The following PTPRD variants were observed in gnomAD, a reference collection of about 807,000 sequenced individuals.
The protein encoded by PTPRD is protein tyrosine phosphatase receptor type D, also known as receptor-type tyrosine-protein phosphatase delta.
In PTPRD, 34 loss-of-function variants were observed where a neutral mutation model predicts 214.5. The ratio of observed to expected loss-of-function variants is 0.16; its 90% confidence interval spans 0.12 to 0.21. PTPRD has a LOEUF of 0.21. Ranked by LOEUF, PTPRD falls within the 10% of genes least tolerant of loss-of-function variation. PTPRD has a pLI of 1.00. For missense variants in PTPRD, 2,545 were observed against 2,398.7 expected, an observed-to-expected ratio of 1.06 and a Z score of -1.27; for synonymous variants, 1,128 against 845.7, an observed-to-expected ratio of 1.33 and a Z score of -5.79.
At chr9:9,717,746 G>A (rs1339712406) in intron 7 of PTPRD, among the ~76,000 whole-genome samples, 2 of 152,170 alleles carry the variant, frequency 1.3e-5, no homozygotes, top group Non-Finnish European at 2.9e-5. Context: ...TGCAGTGGAT[G>A]GAAGGAATTA....
chr9:10,176,290 CT>C (rs2099248382), intron 3 of PTPRD, among the ~76,000 whole-genome samples: 1 of 150,414 alleles, frequency 6.6e-6, no homozygotes, highest in Non-Finnish European at 1.5e-5. Context: ...TTTTTTTTCC[CT>C]ATTCCAAATT....
At chr9:9,202,746 C>T (rs529130702) in intron 9 of PTPRD, among the ~76,000 whole-genome samples, 1 of 152,228 alleles carries the variant, frequency 6.6e-6, no homozygotes, top group African/African-American at 2.4e-5. Flanking sequence ...TGAGGACATG[C>T]TCAGTTAGCA....
At chr9:9,701,402 G>A (rs1304410709) in intron 7 of PTPRD, among the ~76,000 whole-genome samples, 2 of 152,136 alleles carry the variant, frequency 1.3e-5, no homozygotes, top group East Asian at 1.9e-4. Flanking sequence ...CTGGAGACAG[G>A]GGTCCAGATA....
At chr9:10,198,956 A>G (rs180878811) in intron 3 of PTPRD, among the ~76,000 whole-genome samples, 5 of 152,188 alleles carry the variant, frequency 3.3e-5, no homozygotes, top group African/African-American at 1.2e-4. Flanking sequence ...GAATGGTTCA[A>G]ATTTTGCTAA....
intron 3 of PTPRD, among the ~76,000 whole-genome samples, chr9:10,194,941 A>ATTT (rs113659073): frequency 3.6e-5 from 5 of 137,058 alleles, no homozygotes; most frequent in African/African-American, 8.1e-5. Flanking sequence ...TTTTCATTTA[A>ATTT]TTTTTTTTTT....
At chr9:8,564,081 T>C (rs74928678) in intron 14 of PTPRD, among the ~76,000 whole-genome samples, 4,899 of 152,300 alleles carry the variant, frequency 0.032, 142 homozygotes, top group African/African-American at 0.073. Flanking sequence ...TACGATACTC[T>C]CTGGTGATGC....
intron 8 of PTPRD, among the ~76,000 whole-genome samples, chr9:9,443,926 G>C (rs1053869420): frequency 6.6e-6 from 1 of 152,200 alleles, no homozygotes; most frequent in African/African-American, 2.4e-5. Flanking sequence ...ATTCATTCAT[G>C]TTTTTGAATG....
rs1412538996 is a variant in PTPRD, at chr9:8,315,442, C to G, written c.*2432G>C. ...CATGTCTGGATGATGCAATGTCTGT[C>G]TGACCCCCTTTGTTTAACTAAAAGA... On this transcript the variant is annotated 3_prime_UTR_variant, in exon 46 of 46. Coordinates refer to ENST00000381196, the MANE Select transcript of PTPRD (RefSeq NM_002839.4). 5 of 232,246 alleles carry G rather than the reference C, an allele frequency of 2.2e-5. No individual in the cohort carries two copies. The East Asian group carries it at 3.0e-4, about 14-fold the overall frequency. The allele number at this position is 232,246 out of a possible 1,614,324, so 14.4% of individuals were successfully genotyped here.
intron 10 of PTPRD, among the ~76,000 whole-genome samples, chr9:9,159,717 A>T (rs2099884712): frequency 6.6e-6 from 1 of 152,164 alleles, no homozygotes; most frequent in South Asian, 2.1e-4. Context: ...GAAATCCTTA[A>T]ATTCGTATGG....
intron 11 of PTPRD, among the ~76,000 whole-genome samples, chr9:8,808,462 CTTTTTT>C (rs34627797): frequency 3.0e-5 from 3 of 98,816 alleles, no homozygotes; most frequent in African/African-American, 8.0e-5. Flanking sequence ...AGCCCCCCAC[CTTTTTT>C]TTTTTTTTTT....
chr9:8,519,398 A>C (rs2097848480), intron 20 of PTPRD, among the ~76,000 whole-genome samples: 2 of 152,202 alleles, frequency 1.3e-5, no homozygotes, highest in Non-Finnish European at 2.9e-5. Flanking sequence ...CAAGTGCCTT[A>C]TTCTAAACAA....
chr9:9,244,185 C>A (rs1272579513), intron 9 of PTPRD, among the ~76,000 whole-genome samples: 2 of 152,186 alleles, frequency 1.3e-5, no homozygotes, highest in African/African-American at 4.8e-5. Flanking sequence ...TAGGAAGAAT[C>A]AATATCGTGA....
intron 10 of PTPRD, among the ~76,000 whole-genome samples, chr9:9,045,877 TA>T (rs2099670979): frequency 6.6e-6 from 1 of 152,148 alleles, no homozygotes; most frequent in Non-Finnish European, 1.5e-5. Context: ...TTGACCTGCA[TA>T]AAAGAAATGA....
At position 9,555,955 on chromosome 9, in the gene PTPRD, G is replaced by A. The variant is rs138054629; in HGVS notation, c.-237+18777C>T. On this transcript the variant is annotated intron_variant, in intron 8 of 45. Coordinates refer to ENST00000381196, the MANE Select transcript of PTPRD (RefSeq NM_002839.4). ...TTGCTTCCTTTTAAATTTATTTTTT[G>A]TGTCTTAAATTACTCCTTTTATGGC... Among the ~76,000 whole-genome samples, 58 of 152,040 alleles carry A rather than the reference G, an allele frequency of 3.8e-4. 1 individual carries two copies. The highest frequency in any genetic ancestry group is 1.3e-3 in the African/African-American group (52 of 41,528).
At chr9:8,709,233 G>C (rs2098274139) in intron 12 of PTPRD, among the ~76,000 whole-genome samples, 1 of 152,050 alleles carries the variant, frequency 6.6e-6, no homozygotes, top group Non-Finnish European at 1.5e-5. Flanking sequence ...TGCTAACAGA[G>C]GCCAGGCGCA....
intron 11 of PTPRD, among the ~76,000 whole-genome samples, chr9:8,739,153 G>C (rs2091271171): frequency 6.6e-6 from 1 of 152,210 alleles, no homozygotes; most frequent in Non-Finnish European, 1.5e-5. Flanking sequence ...GAGGGGAGGG[G>C]CCTGGAGCCT....
At chr9:8,516,466 G>A (rs2097782746) in intron 21 of PTPRD, among the ~76,000 whole-genome samples, 1 of 152,116 alleles carries the variant, frequency 6.6e-6, no homozygotes, top group Non-Finnish European at 1.5e-5. Flanking sequence ...ATATAAATGT[G>A]CTCTGAGATT....
At chr9:8,516,228 G>T (rs1260607349) in intron 21 of PTPRD, among the ~76,000 whole-genome samples, 1 of 152,134 alleles carries the variant, frequency 6.6e-6, no homozygotes, top group East Asian at 1.9e-4. Flanking sequence ...AGCTTTTTTG[G>T]TAAGAACAGC....
At chr9:10,098,738 C>A (rs1051449532) in intron 3 of PTPRD, among the ~76,000 whole-genome samples, 12 of 151,726 alleles carry the variant, frequency 7.9e-5, no homozygotes, top group African/African-American at 2.7e-4. Context: ...TGTCCAAGAG[C>A]TGACCTATTA....
Sources: allele counts gnomAD v4.1 joint callset (sites outside exome capture counted in the v4.1 genomes callset), GRCh38; gene constraint gnomAD v4.1.1; transcripts MANE v1.5; gene names NCBI Gene and HGNC (gene_info 2026-07-23, HGNC 2026-07-21).